AOX1: variants seen among roughly 807,000 people sequenced by gnomAD.
AOX1 encodes aldehyde oxidase.
Under a neutral mutation model 169.5 loss-of-function variants are expected in AOX1, and 153 were observed. That is an observed-to-expected ratio of 0.90 (90% CI 0.79 to 1.03). The LOEUF is 1.03. AOX1 is among the 50% of genes least tolerant of loss of function. The pLI is 0.00. For synonymous variants in AOX1, 562 were observed against 581.9 expected, an observed-to-expected ratio of 0.97 and a Z score of 0.49; for missense variants, 1,656 against 1,663.9, an observed-to-expected ratio of 1.00 and a Z score of 0.08.
At position 200,620,633 on chromosome 2, in the gene AOX1, G is replaced by C. The variant is rs201867614; in HGVS notation, c.1705-17G>C. ...CTATAGAAATGTAAAAGTATATTTT[G>C]GTTATTTATTAAACAGAATATAGGC... On this transcript the variant is annotated splice_polypyrimidine_tract_variant and intron_variant, in intron 16 of 34. Transcript: ENST00000374700. 6.7e-7 allele frequency: 1 copy of C among 1,490,938 alleles called. No individual in the cohort carries two copies. The highest frequency in any genetic ancestry group is 8.9e-7 in the Non-Finnish European group (1 of 1,126,920). The allele number at this position is 1,490,938 out of a possible 1,614,324, so 92.4% of individuals were successfully genotyped here.
intron 10 of AOX1, among the ~76,000 whole-genome samples, chr2:200,607,146 G>T (rs1440339978): frequency 6.6e-6 from 1 of 152,094 alleles, no homozygotes; most frequent in Non-Finnish European, 1.5e-5. Context: ...ATTATTTTGA[G>T]ATATGATCCA....
chr2:200,624,695 T>G (rs114366189), intron 19 of AOX1, among the ~76,000 whole-genome samples: 1,919 of 152,334 alleles, frequency 0.013, 43 homozygotes, highest in African/African-American at 0.044. Flanking sequence ...GAATTGCATT[T>G]TCTATCCTGA....
chr2:200,668,310 T>C (rs1461929901), intron 32 of AOX1, among the ~76,000 whole-genome samples: 2 of 152,066 alleles, frequency 1.3e-5, no homozygotes, highest in African/African-American at 4.8e-5. Flanking sequence ...GATTTCTCTA[T>C]GTTAGTCAGG....
intron 10 of AOX1, among the ~76,000 whole-genome samples, chr2:200,606,526 A>G (rs183749485): frequency 1.3e-5 from 2 of 152,246 alleles, no homozygotes; most frequent in East Asian, 1.9e-4. Context: ...AAGAAAGTCA[A>G]TGGTAGCTTG....
At chr2:200,659,777 T>TTCTC (rs112152232) in intron 28 of AOX1, among the ~76,000 whole-genome samples, 28 of 99,222 alleles carry the variant, frequency 2.8e-4, no homozygotes, top group African/African-American at 8.9e-4. Flanking sequence ...ACAAGGCCAG[T>TTCTC]TCTCTCTCTC....
At chr2:200,610,174 C>G (rs1454875651) in intron 12 of AOX1, among the ~76,000 whole-genome samples, 1 of 151,744 alleles carries the variant, frequency 6.6e-6, no homozygotes, top group Non-Finnish European at 1.5e-5. Context: ...TGGGTTCAAG[C>G]GATTCTCCTG....
intron 16 of AOX1, 21 bp downstream of exon 16, chr2:200,616,084 T>G: frequency 6.4e-7 from 1 of 1,570,424 alleles, no homozygotes; most frequent in Non-Finnish European, 8.8e-7. Context: ...TTTCTTGTTT[T>G]TAAAAATTCA....
intron 20 of AOX1, among the ~76,000 whole-genome samples, chr2:200,628,288 G>A (rs1215751993): frequency 6.6e-6 from 1 of 152,080 alleles, no homozygotes; most frequent in Non-Finnish European, 1.5e-5. Context: ...CTAAAAACAG[G>A]ATGTTGTCTA....
chr2:200,621,998 C>T (rs12478294), intron 18 of AOX1, among the ~76,000 whole-genome samples: 32,264 of 152,042 alleles, frequency 0.21, 3,692 homozygotes, highest in East Asian at 0.44. Context: ...GTGATCTGCC[C>T]GCCTGGGCCT....
At chr2:200,649,105 G>A (rs1328685761) in intron 25 of AOX1, among the ~76,000 whole-genome samples, 2 of 152,112 alleles carry the variant, frequency 1.3e-5, no homozygotes, top group Non-Finnish European at 2.9e-5. Flanking sequence ...TGACCAGGAG[G>A]CTTCTTGCCC....
In AOX1 at chr2:200,670,753, G is replaced by A. The variant is rs2036013648; in HGVS notation, c.*74G>A. On this transcript the variant is annotated 3_prime_UTR_variant, in exon 35 of 35. Coordinates refer to ENST00000374700, the MANE Select transcript of AOX1 (RefSeq NM_001159.4). ...AATCTGTCCTATCTCTGTGCTGGAA[G>A]ATGCTAGATCTGAAAGACAGAGTTT... 8.3e-7 allele frequency: 1 copy of A among 1,210,282 alleles called. No individual in the cohort carries two copies. The highest frequency in any genetic ancestry group is 1.2e-6 in the Non-Finnish European group (1 of 827,862). 75.0% of individuals were successfully genotyped at this position (1,210,282 alleles called of 1,614,324 possible).
intron 25 of AOX1, among the ~76,000 whole-genome samples, chr2:200,643,070 G>A (rs932469200): frequency 3.9e-5 from 6 of 152,038 alleles, no homozygotes; most frequent in Admixed American, 3.9e-4. Flanking sequence ...CCATTGGCTG[G>A]GGGTATAACT....
In AOX1 at chr2:200,627,359, A is replaced by T; in HGVS notation, c.2131A>T (p.Ile711Leu). ...EPLILTIEES[I>L]QHNSSFKPER... The stretch of plus-strand genomic sequence containing the variant: ...TCCTCTGTTCTCTTTCTAGGAAAGT[A>T]TACAACACAACTCCTCCTTCAAGCC... Residue 711 changes from isoleucine (I) to leucine (L), a missense_variant, in exon 20 of 35, where the codon ATA becomes TTA. Physicochemically the swap from Ile to Leu is conservative, Grantham distance 5. Transcript: ENST00000374700. The T allele has an allele frequency of 1.2e-6, 2 of 1,612,700 alleles. No homozygotes were observed. The highest frequency in any genetic ancestry group is 1.7e-6 in the Non-Finnish European group (2 of 1,178,724).
chr2:200,644,336 G>A (rs562283176), intron 25 of AOX1, among the ~76,000 whole-genome samples: 135 of 152,206 alleles, frequency 8.9e-4, no homozygotes, highest in African/African-American at 2.8e-3. Flanking sequence ...CCCACTTTAC[G>A]TTTTTGTTCG....
intron 20 of AOX1, among the ~76,000 whole-genome samples, 168 bp from the exon 21 acceptor site, chr2:200,634,622 AC>A (rs1231298226): frequency 6.6e-6 from 1 of 152,226 alleles, no homozygotes; most frequent in African/African-American, 2.4e-5. Flanking sequence ...ATAGAACTTT[AC>A]TTCAAATCTG....
intron 5 of AOX1, among the ~76,000 whole-genome samples, chr2:200,601,056 A>G (rs1228306271): frequency 1.4e-5 from 2 of 143,884 alleles, no homozygotes; most frequent in African/African-American, 5.1e-5. Context: ...TCTTTCTGTC[A>G]GCTGAAGCTT....
intron 10 of AOX1, among the ~76,000 whole-genome samples, chr2:200,608,283 A>G (rs918549274): frequency 2.0e-5 from 3 of 152,216 alleles, no homozygotes; most frequent in African/African-American, 2.4e-5. Flanking sequence ...TCTGTCTGCA[A>G]TATCAGAGAA....
intron 26 of AOX1, among the ~76,000 whole-genome samples, chr2:200,656,217 GA>G (rs1422308066): frequency 6.6e-6 from 1 of 152,214 alleles, no homozygotes; most frequent in East Asian, 1.9e-4. Context: ...CCAAAGGGAA[GA>G]AGCCATCCTT....
intron 21 of AOX1, among the ~76,000 whole-genome samples, chr2:200,635,587 A>G (rs2035212941): frequency 6.6e-6 from 1 of 152,214 alleles, no homozygotes; most frequent in Non-Finnish European, 1.5e-5. Context: ...AAGAGAGGTC[A>G]CTTCCAGGCA....
Sources: gnomAD v4.1 joint callset for allele counts (sites outside exome capture counted in the v4.1 genomes callset) on GRCh38, gnomAD v4.1.1 for gene constraint, MANE v1.5 for transcripts, NCBI Gene and HGNC (gene_info 2026-07-23, HGNC 2026-07-21) for gene names.